Variants in PDE4B observed in about 807,000 individuals in gnomAD.
PDE4B encodes 3',5'-cyclic-AMP phosphodiesterase 4B.
A neutral mutation model predicts 82.2 loss-of-function variants in PDE4B; 20 were observed. The observed-to-expected ratio is 0.24, with a 90% CI of 0.17 to 0.35. The LOEUF is 0.35. PDE4B is among the 10% of genes least tolerant of loss of function. The probability of loss-of-function intolerance (pLI) is 1.00; values close to 1 mark genes in which losing one functional copy is unlikely to be tolerated. For synonymous variants in PDE4B, 320 were observed against 318.9 expected (o/e 1.00, Z -0.04); for missense variants, 655 against 907.2 (o/e 0.72, Z 3.57).
chr1:65,893,031 T>C (rs1251019628), intron 1 of PDE4B, among the ~76,000 whole-genome samples: 1 of 151,950 alleles, frequency 6.6e-6, no homozygotes, highest in Non-Finnish European at 1.5e-5. Flanking sequence ...TTGTACCCCC[T>C]AAAGGAGGAA....
At chr1:65,992,949 C>A in intron 3 of PDE4B, 1 of 1,613,846 alleles carries the variant, frequency 6.2e-7, no homozygotes, top group East Asian at 2.2e-5. Flanking sequence ...TGCTTCTGAA[C>A]CTGAGGTTTG....
intron 7 of PDE4B, among the ~76,000 whole-genome samples, chr1:66,296,776 CA>C (rs1433797853): frequency 1.3e-5 from 2 of 152,110 alleles, no homozygotes; most frequent in Non-Finnish European, 2.9e-5. Context: ...TAATTCATAG[CA>C]GCTCTTATTC....
intron 7 of PDE4B, among the ~76,000 whole-genome samples, chr1:66,282,395 A>G (rs954345100): frequency 2.0e-5 from 3 of 152,172 alleles, no homozygotes; most frequent in Non-Finnish European, 4.4e-5. Context: ...TGTGGGAGAC[A>G]TATCTCCAGT....
intron 1 of PDE4B, among the ~76,000 whole-genome samples, chr1:65,890,382 G>A (rs1362650045): frequency 6.6e-6 from 1 of 151,912 alleles, no homozygotes; most frequent in African/African-American, 2.4e-5. Context: ...CTAGAAACTG[G>A]GGAATTCTGG....
At position 66,089,801 on chromosome 1, in the gene PDE4B, C is replaced by G. The variant is rs115958840; in HGVS notation, c.282-157659C>G. 3.3e-3 allele frequency among the ~76,000 whole-genome samples: 499 copies of G among 152,164 alleles called. 2 individuals carry two copies. The highest frequency in any genetic ancestry group is 0.012 in the African/African-American group (483 of 41,550). ...ACTCAAATCATTTCTGAGCCATTAT[C>G]TTTGCTCACAGGATAATTCTACATC... On this transcript the variant is annotated intron_variant, in intron 3 of 16. Transcript: ENST00000341517.
chr1:66,126,676 A>G (rs565372955), intron 3 of PDE4B, among the ~76,000 whole-genome samples: 19 of 152,364 alleles, frequency 1.2e-4, no homozygotes, highest in Admixed American at 3.3e-4. Flanking sequence ...CCCAGGAGTA[A>G]TAATAGTTGC....
chr1:65,986,395 T>C (rs1013144191), intron 3 of PDE4B, among the ~76,000 whole-genome samples: 2 of 152,184 alleles, frequency 1.3e-5, no homozygotes, highest in African/African-American at 4.8e-5. Flanking sequence ...CTGAAGAGTT[T>C]TCCTTTGAAT....
At chr1:65,884,998 T>C (rs565944440) in intron 1 of PDE4B, among the ~76,000 whole-genome samples, 1 of 151,878 alleles carries the variant, frequency 6.6e-6, no homozygotes, top group African/African-American at 2.4e-5. Context: ...TACAAATAAC[T>C]CAAATAAATT....
At chr1:66,201,386 T>C (rs897253436) in intron 3 of PDE4B, among the ~76,000 whole-genome samples, 1 of 152,110 alleles carries the variant, frequency 6.6e-6, no homozygotes, top group Non-Finnish European at 1.5e-5. Context: ...GGATTCCCTC[T>C]TTTTCTATTG....
intron 3 of PDE4B, among the ~76,000 whole-genome samples, chr1:65,949,435 GCAATCA>G (rs1407937269): frequency 6.6e-6 from 1 of 152,076 alleles, no homozygotes; most frequent in Non-Finnish European, 1.5e-5. Context: ...GCTGATTACA[GCAATCA>G]CTGGGGCTCT....
intron 6 of PDE4B, among the ~76,000 whole-genome samples, chr1:66,260,446 C>T (rs75694313): frequency 0.065 from 9,801 of 150,514 alleles, 988 homozygotes; most frequent in African/African-American, 0.23. Context: ...GAGACAGTAG[C>T]TAAAACAATA....
intron 1 of PDE4B, among the ~76,000 whole-genome samples, chr1:65,881,186 A>G (rs182663479): frequency 1.3e-5 from 2 of 152,300 alleles, no homozygotes; most frequent in African/African-American, 4.8e-5. Flanking sequence ...TCTCTTCTGC[A>G]TGCTAGACTA....
At chr1:66,239,480 C>T (rs1652715215) in intron 3 of PDE4B, among the ~76,000 whole-genome samples, 4 of 152,054 alleles carry the variant, frequency 2.6e-5, no homozygotes, top group Admixed American at 6.6e-5. Context: ...AGTTTGAAAT[C>T]GAGTCTGTGA....
intron 7 of PDE4B, among the ~76,000 whole-genome samples, chr1:66,313,673 G>T (rs918327274): frequency 2.0e-5 from 3 of 152,194 alleles, no homozygotes; most frequent in Admixed American, 2.0e-4. Context: ...TCATAGCTTT[G>T]CTTTGACTGT....
At chr1:66,312,777 A>G (rs895490821) in intron 7 of PDE4B, among the ~76,000 whole-genome samples, 2 of 152,202 alleles carry the variant, frequency 1.3e-5, no homozygotes, top group African/African-American at 4.8e-5. Flanking sequence ...TGTTACTGGA[A>G]CACAGCCATT....
intron 7 of PDE4B, among the ~76,000 whole-genome samples, chr1:66,309,323 T>C (rs549267211): frequency 8.4e-4 from 128 of 152,348 alleles, no homozygotes; most frequent in South Asian, 2.1e-3. Context: ...ATGATTAATA[T>C]TGCAAATGGG....
At chr1:65,981,662 T>C (rs764529114) in intron 3 of PDE4B, among the ~76,000 whole-genome samples, 1 of 152,170 alleles carries the variant, frequency 6.6e-6, no homozygotes, top group Non-Finnish European at 1.5e-5. Flanking sequence ...CTAATGTTTC[T>C]GTAATTCAGT....
chr1:66,246,756 C>G (rs911412655), intron 3 of PDE4B, among the ~76,000 whole-genome samples: 3 of 152,196 alleles, frequency 2.0e-5, no homozygotes, highest in Non-Finnish European at 4.4e-5. Flanking sequence ...GATAGGAAAC[C>G]TCATGACACT....
At chr1:66,130,994 C>T (rs1645930053) in intron 3 of PDE4B, among the ~76,000 whole-genome samples, 1 of 152,202 alleles carries the variant, frequency 6.6e-6, no homozygotes, top group African/African-American at 2.4e-5. Flanking sequence ...GATTAGGATG[C>T]TGTCTCCAAA....
Sources: allele counts gnomAD v4.1 joint callset (sites outside exome capture counted in the v4.1 genomes callset), GRCh38; gene constraint gnomAD v4.1.1; transcripts MANE v1.5; gene names NCBI Gene and HGNC (gene_info 2026-07-23, HGNC 2026-07-21).